The following KCNIP1 variants were observed in gnomAD, a reference collection of about 807,000 sequenced individuals.
KCNIP1 encodes potassium voltage-gated channel interacting protein 1.
In KCNIP1, 18 loss-of-function variants were observed where a neutral mutation model predicts 33.0. The observed-to-expected ratio is 0.55, with a 90% CI of 0.38 to 0.81. The LOEUF (loss-of-function observed/expected upper bound fraction) is 0.81, where lower values mean the gene tolerates loss of function less well. Ranked by LOEUF, KCNIP1 falls within the 30% of genes least tolerant of loss-of-function variation. The pLI is 0.00. For synonymous variants in KCNIP1, 93 were observed against 98.3 expected (o/e 0.95, Z 0.32); for missense variants, 238 against 271.6 (o/e 0.88, Z 0.87).
intron 1 of KCNIP1, among the ~76,000 whole-genome samples, chr5:170,506,320 A>G (rs764399955): frequency 1.1e-4 from 16 of 152,122 alleles, no homozygotes; most frequent in Admixed American, 3.9e-4. Context: ...TGAAATTCGT[A>G]TGCTACTTCC....
rs530647004 is a variant in KCNIP1 at position 170,515,710 on chromosome 5, G to A, written c.61+11077G>A. Among the ~76,000 whole-genome samples the A allele has an allele frequency of 9.1e-4, 139 of 152,304 alleles. 1 individual carries two copies. The highest frequency in any genetic ancestry group is 1.8e-3 in the Non-Finnish European group (122 of 68,020). On this transcript the variant is annotated intron_variant, in intron 1 of 7. Coordinates refer to ENST00000328939, the MANE Select transcript of KCNIP1 (RefSeq NM_014592.4). The stretch of plus-strand genomic sequence containing the variant: ...CTCATAAGTGGAAAAGCCAGGATTC[G>A]AACCCAGATGGTTTGCCTCCAGTGC...
At chr5:170,508,899 G>A (rs1467778913) in intron 1 of KCNIP1, among the ~76,000 whole-genome samples, 1 of 152,060 alleles carries the variant, frequency 6.6e-6, no homozygotes, top group Non-Finnish European at 1.5e-5. Context: ...ACAATCAACG[G>A]AGGTGTTAAC....
At chr5:170,633,106 G>A (rs191018876) in intron 1 of KCNIP1, among the ~76,000 whole-genome samples, 2 of 152,266 alleles carry the variant, frequency 1.3e-5, no homozygotes, top group East Asian at 3.9e-4. Flanking sequence ...AGGGGGTTGC[G>A]AGGGTCACGC....
intron 1 of KCNIP1, among the ~76,000 whole-genome samples, chr5:170,471,779 C>A (rs1342002565): frequency 6.6e-6 from 1 of 152,214 alleles, no homozygotes; most frequent in Admixed American, 6.5e-5. Context: ...GATCCTCTTT[C>A]CCCTGAACCC....
At chr5:170,357,396 T>C (rs909196557) in intron 1 of KCNIP1, among the ~76,000 whole-genome samples, 2 of 152,248 alleles carry the variant, frequency 1.3e-5, no homozygotes, top group Non-Finnish European at 2.9e-5. Flanking sequence ...GATACTCTCA[T>C]GGTTGAGAGC....
At chr5:170,732,742 C>A in intron 5 of KCNIP1, 58 bp from the exon 6 acceptor site, 1 of 1,143,750 alleles carries the variant, frequency 8.7e-7, no homozygotes, top group Non-Finnish European at 1.3e-6. Flanking sequence ...ACTCTGTCAC[C>A]TAGGAAGAGC....
chr5:170,589,785 G>A (rs1758153252), intron 1 of KCNIP1, among the ~76,000 whole-genome samples: 1 of 139,578 alleles, frequency 7.2e-6, no homozygotes, highest in Non-Finnish European at 1.5e-5. Context: ...GTGGTGTGAT[G>A]TGATGTGGTG....
intron 1 of KCNIP1, among the ~76,000 whole-genome samples, chr5:170,508,661 C>T (rs575633345): frequency 2.8e-4 from 42 of 152,310 alleles, no homozygotes; most frequent in African/African-American, 9.4e-4. Context: ...CTTTACCCAT[C>T]TTTGCATCTT....
chr5:170,408,768 C>CA (rs1302477386), intron 1 of KCNIP1, among the ~76,000 whole-genome samples: 2 of 151,922 alleles, frequency 1.3e-5, no homozygotes, highest in African/African-American at 4.8e-5. Context: ...CGGCCCTTGT[C>CA]AAAAAAACCT....
Position 170,516,703 on chromosome 5 carries a change from A to G in KCNIP1, c.61+12070A>G, listed in dbSNP as rs182953313. Reference sequence around the variant, plus strand: ...AAAGATATGGTGTGTTGGGTGAAATAGAACTGAAGGCCAGTCCTAGCTTAC... The same window carrying G: ...AAAGATATGGTGTGTTGGGTGAAATGGAACTGAAGGCCAGTCCTAGCTTAC... On this transcript the variant is annotated intron_variant, in intron 1 of 7. Coordinates refer to ENST00000328939, the MANE Select transcript of KCNIP1 (RefSeq NM_014592.4). Among the ~76,000 whole-genome samples the G allele has an allele frequency of 6.0e-4, 91 of 152,370 alleles. No homozygotes were observed. In the East Asian group the frequency reaches 0.016, roughly 27 times the overall value.
chr5:170,676,508 T>G (rs1762150687), intron 1 of KCNIP1, among the ~76,000 whole-genome samples: 1 of 152,204 alleles, frequency 6.6e-6, no homozygotes, highest in Non-Finnish European at 1.5e-5. Context: ...TTCGCACCTT[T>G]TAAAGAAAAG....
At chr5:170,543,049 A>G (rs1360342294) in intron 1 of KCNIP1, among the ~76,000 whole-genome samples, 1 of 152,238 alleles carries the variant, frequency 6.6e-6, no homozygotes, top group African/African-American at 2.4e-5. Flanking sequence ...AAGAAGGGAC[A>G]AAGAAGCTCT....
At chr5:170,491,385 A>G (rs554134509) in intron 1 of KCNIP1, among the ~76,000 whole-genome samples, 2 of 152,264 alleles carry the variant, frequency 1.3e-5, no homozygotes, top group South Asian at 4.2e-4. Context: ...ACTATTTTTA[A>G]ACACATACAC....
At chr5:170,681,132 T>A in intron 1 of KCNIP1, 2 of 399,220 alleles carry the variant, frequency 5.0e-6, no homozygotes, top group Non-Finnish European at 8.8e-6. Context: ...CGTGTGCTCC[T>A]CCCTGAAACT....
chr5:170,482,953 T>C (rs1042920172), intron 1 of KCNIP1: 19 of 369,258 alleles, frequency 5.1e-5, no homozygotes, highest in Admixed American at 3.8e-4. Flanking sequence ...GTATTTCAAA[T>C]AGGTCATGAC....
At chr5:170,364,370 T>G (rs1431262508) in intron 1 of KCNIP1, among the ~76,000 whole-genome samples, 1 of 152,216 alleles carries the variant, frequency 6.6e-6, no homozygotes, top group East Asian at 1.9e-4. Flanking sequence ...CCTTTTTAAG[T>G]TTGAACAATA....
At chr5:170,631,005 G>T (rs1164248949) in intron 1 of KCNIP1, among the ~76,000 whole-genome samples, 2 of 152,134 alleles carry the variant, frequency 1.3e-5, no homozygotes, top group Admixed American at 1.3e-4. Context: ...TAGGAATAAG[G>T]GTACGAGGCT....
At chr5:170,536,835 G>A (rs184507944) in intron 1 of KCNIP1, among the ~76,000 whole-genome samples, 165 of 152,338 alleles carry the variant, frequency 1.1e-3, no homozygotes, top group Non-Finnish European at 5.6e-4. Flanking sequence ...AGCCTGGAGA[G>A]CGGCTGAAAG....
intron 1 of KCNIP1, among the ~76,000 whole-genome samples, chr5:170,614,555 T>C (rs1332530577): frequency 6.6e-6 from 1 of 152,248 alleles, no homozygotes; most frequent in East Asian, 1.9e-4. Context: ...ATCTGTTTTT[T>C]AAACGTAAAA....
Sources: gnomAD v4.1 joint callset for allele counts (sites outside exome capture counted in the v4.1 genomes callset) on GRCh38, gnomAD v4.1.1 for gene constraint, MANE v1.5 for transcripts, NCBI Gene and HGNC (gene_info 2026-07-23, HGNC 2026-07-21) for gene names.